TBCD: variants seen among roughly 807,000 people sequenced by gnomAD.
The protein encoded by TBCD is tubulin-specific chaperone D.
A neutral mutation model predicts 169.3 loss-of-function variants in TBCD; 105 were observed. The ratio of observed to expected loss-of-function variants is 0.62; its 90% CI spans 0.53 to 0.73. The LOEUF is 0.73. Ranked by LOEUF, TBCD falls within the 30% of genes least tolerant of loss-of-function variation. TBCD has a pLI of 0.00. For missense variants in TBCD, 1,444 were observed against 1,600.1 expected (o/e 0.90, Z 1.66); for synonymous variants, 700 against 643.9 (o/e 1.09, Z -1.32).
intron 6 of TBCD, among the ~76,000 whole-genome samples, chr17:82,774,974 C>T (rs1376883772): frequency 1.3e-5 from 2 of 152,230 alleles, no homozygotes; most frequent in Non-Finnish European, 2.9e-5. Flanking sequence ...TTTATTCTTA[C>T]TTTTCTTAGC....
At chr17:82,904,919 C>A (rs1330922587) in intron 19 of TBCD, among the ~76,000 whole-genome samples, 1 of 152,208 alleles carries the variant, frequency 6.6e-6, no homozygotes, top group Non-Finnish European at 1.5e-5. Flanking sequence ...CAGAACAGGA[C>A]TGTGACCTTT....
intron 9 of TBCD, among the ~76,000 whole-genome samples, chr17:82,804,140 T>C (rs1174847090): frequency 1.0e-5 from 1 of 98,136 alleles, no homozygotes; most frequent in Non-Finnish European, 2.0e-5. Context: ...GGCTGGGGTG[T>C]GCCTGCCTGT....
At chr17:82,931,475 G>A (rs889663291) in intron 33 of TBCD, among the ~76,000 whole-genome samples, 3 of 152,190 alleles carry the variant, frequency 2.0e-5, no homozygotes, top group Admixed American at 6.5e-5. Flanking sequence ...GCGCTGGGCC[G>A]CGTGCCGGTC....
chr17:82,908,436 A>T (rs1420485165), intron 21 of TBCD: 8 of 455,966 alleles, frequency 1.8e-5, no homozygotes, highest in South Asian at 1.2e-4. Context: ...TGTGACCCAG[A>T]GGTAAAGTAT....
At position 82,907,958 on chromosome 17, in the gene TBCD, C is replaced by T; in HGVS notation, c.1983+137C>T. 3 of 877,870 alleles carry T rather than the reference C, an allele frequency of 3.4e-6. 1 individual carries two copies. The highest frequency in any genetic ancestry group is 5.4e-5 in the East Asian group (2 of 37,250). 54.4% of individuals were successfully genotyped at this position (877,870 alleles called of 1,614,324 possible). On this transcript the variant is annotated intron_variant, in intron 21 of 38. Transcript: ENST00000355528. Reference sequence around the variant, plus strand: ...ATCAGTCCTGGGCTCAGTGGGGGACCTGCGGTGTGATCACTCTGGGAACAG... The same window carrying T: ...ATCAGTCCTGGGCTCAGTGGGGGACTTGCGGTGTGATCACTCTGGGAACAG...
rs1272095678 is a variant in TBCD at position 82,922,950 on chromosome 17, ACT to A, written c.2179-697_2179-696del. On this transcript the variant is annotated intron_variant, in intron 25 of 38. Coordinates refer to ENST00000355528, the MANE Select transcript of TBCD (RefSeq NM_005993.5). This position sits in a 1 kb window ranked among gnomAD's most constrained non-coding sequence, Gnocchi z 4.1. The stretch of plus-strand genomic sequence containing the variant: ...AGCCCCGCACGCGGCGGGACTGGTG[ACT>A]CTCTGCCCGCTCCTGCTCTGTGCAG... Among the ~76,000 whole-genome samples the A allele has an allele frequency of 2.6e-5, 4 of 151,998 alleles. No homozygotes were observed. Among genetic ancestry groups the A allele is most frequent in the East Asian group, 1.9e-4 (1 of 5,154 alleles).
Position 82,805,944 on chromosome 17 carries a change from G to A in TBCD, c.1020G>A (p.Lys340=). 6.2e-7 allele frequency: 1 copy of A among 1,613,834 alleles called. No individual in the cohort carries two copies. The highest frequency in any genetic ancestry group is 8.5e-7 in the Non-Finnish European group (1 of 1,179,784). Reference sequence around the variant, plus strand: ...TCACTCAGGGTCAGAGTGAGCAGAAGCCACTCATCCTGACCGAAGATGACG... The same window carrying A: ...TCACTCAGGGTCAGAGTGAGCAGAAACCACTCATCCTGACCGAAGATGACG... The part of the protein sequence containing the change: ...QLLTQGQSEQ[K]PLILTEDDDE... The change falls in exon 10 of 39, where the codon AAG becomes AAA. Residue 340 remains lysine, a synonymous_variant. Transcript: ENST00000355528.
intron 14 of TBCD, among the ~76,000 whole-genome samples, chr17:82,879,059 C>CTTTTTTTT (rs58480407): frequency 1.1e-4 from 13 of 113,984 alleles, no homozygotes; most frequent in South Asian, 2.8e-4. Flanking sequence ...AGATCCTGTT[C>CTTTTTTTT]TTTTTTTTTT....
chr17:82,908,913 T>C (rs2060427967), intron 21 of TBCD, among the ~76,000 whole-genome samples: 1 of 152,254 alleles, frequency 6.6e-6, no homozygotes, highest in Non-Finnish European at 1.5e-5. Context: ...GCTTTTAAGC[T>C]CTCTTACAAA....
chr17:82,882,483 T>A (rs940128187), intron 14 of TBCD, among the ~76,000 whole-genome samples: 1 of 152,094 alleles, frequency 6.6e-6, no homozygotes, highest in Non-Finnish European at 1.5e-5. Flanking sequence ...GTGGCTGTAG[T>A]TTGTAGGTCT....
At chr17:82,821,791 C>A (rs2052433446) in intron 13 of TBCD, among the ~76,000 whole-genome samples, 1 of 152,174 alleles carries the variant, frequency 6.6e-6, no homozygotes, top group African/African-American at 2.4e-5. Context: ...CCCTGTGAAC[C>A]TGCATCAGGT....
chr17:82,911,305 C>T (rs950359113), intron 22 of TBCD, among the ~76,000 whole-genome samples: 1 of 152,200 alleles, frequency 6.6e-6, no homozygotes, highest in African/African-American at 2.4e-5. Context: ...CCTTGTGCAC[C>T]AGGGTCCCGC....
At chr17:82,807,506 T>A (rs2051060246) in intron 10 of TBCD, 102 bp from the exon 11 acceptor site, 1 of 677,464 alleles carries the variant, frequency 1.5e-6, no homozygotes, top group Non-Finnish European at 2.1e-6. Flanking sequence ...GTAATTCCCT[T>A]CGGCGTGTGC....
intron 1 of TBCD, among the ~76,000 whole-genome samples, 191 bp downstream of exon 1, chr17:82,752,568 G>A (rs2047159649): frequency 6.6e-6 from 1 of 152,098 alleles, no homozygotes; most frequent in South Asian, 2.1e-4. Flanking sequence ...CGCGGCGTTA[G>A]GTGCACGGGG....
intron 17 of TBCD, among the ~76,000 whole-genome samples, chr17:82,898,613 G>T (rs528040500): frequency 7.8e-6 from 1 of 127,392 alleles, no homozygotes; most frequent in Non-Finnish European, 1.6e-5. Context: ...GCCTCCTGTT[G>T]GTAAGATCAG....
intron 13 of TBCD, among the ~76,000 whole-genome samples, chr17:82,846,311 G>GCGTCCCCTGTGCCGTGTCCCCT (rs1567879164): frequency 5.2e-5 from 7 of 135,222 alleles, no homozygotes; most frequent in Admixed American, 7.5e-5. Flanking sequence ...TCCACGTGCT[G>GCGTCCCCTGTGCCGTGTCCCCT]CGTCCAGCGT....
In TBCD at chr17:82,932,681, C is replaced by A; in HGVS notation, c.3137C>A (p.Thr1046Lys). Residue 1046 changes from threonine (T) to lysine (K), a missense_variant, in exon 34 of 39, where the codon ACG (threonine) becomes AAG (lysine). Thr to Lys is a moderately conservative substitution (Grantham distance 78). Transcript: ENST00000355528. ...NERVSVPLLK[T>K]LDHVLTHGCF... Reference sequence around the variant, plus strand: ...AGGGTGTCCGTGCCGCTGCTGAAGACGCTGGACCACGTGCTCACCCACGGC... The same window carrying A: ...AGGGTGTCCGTGCCGCTGCTGAAGAAGCTGGACCACGTGCTCACCCACGGC... The A allele has an allele frequency of 3.5e-5, 56 of 1,613,794 alleles. No individual in the cohort carries two copies. The highest frequency in any genetic ancestry group is 4.6e-5 in the Non-Finnish European group (54 of 1,179,878).
chr17:82,772,903 C>T (rs2048377158), intron 6 of TBCD, among the ~76,000 whole-genome samples: 1 of 152,108 alleles, frequency 6.6e-6, no homozygotes, highest in Admixed American at 6.5e-5. Flanking sequence ...GAAAATCCCC[C>T]AACGTCCTGT....
chr17:82,753,223 G>A (rs987669689), intron 1 of TBCD, among the ~76,000 whole-genome samples: 1 of 152,072 alleles, frequency 6.6e-6, no homozygotes, highest in African/African-American at 2.4e-5. Context: ...AGGCAGGGTG[G>A]GGGGCCTTGT....
Sources: allele counts gnomAD v4.1 joint callset (sites outside exome capture counted in the v4.1 genomes callset), GRCh38; gene constraint gnomAD v4.1.1; non-coding constraint Gnocchi (gnomAD v3.1); transcripts MANE v1.5; gene names NCBI Gene and HGNC (gene_info 2026-07-23, HGNC 2026-07-21).